Variants in SMPD3 observed in about 807,000 individuals in gnomAD.
SMPD3 encodes the protein sphingomyelin phosphodiesterase 3, also known as nSMase-2.
In SMPD3, 21 loss-of-function variants were observed where a neutral mutation model predicts 55.7. The observed-to-expected ratio is 0.38, with a 90% confidence interval of 0.27 to 0.54. SMPD3 has a LOEUF of 0.54. SMPD3 is among the 20% of genes least tolerant of loss of function. SMPD3 has a pLI of 0.80. For synonymous variants in SMPD3, 457 were observed against 404.3 expected (o/e 1.13, Z -1.56); for missense variants, 842 against 899.6 (o/e 0.94, Z 0.82).
rs777260485 is a variant in SMPD3, at chr16:68,372,255, G to T, written c.-74C>A. The T allele has an allele frequency of 6.4e-6, 10 of 1,561,284 alleles. No homozygotes were observed. The African/African-American group carries it at 9.4e-5, about 15-fold the overall frequency. On this transcript the variant is annotated 5_prime_UTR_variant, in exon 3 of 9. Transcript: ENST00000219334. ...CAGCTGCGGGCACTTTCCTGGGCGA[G>T]GGTGGGCGAGTTGGGGGCAGCTGGA...
intron 1 of SMPD3, among the ~76,000 whole-genome samples, chr16:68,432,890 A>G (rs2090491311): frequency 6.6e-6 from 1 of 151,814 alleles, no homozygotes. Flanking sequence ...CTACATCTCA[A>G]CCTCCCAGGC....
chr16:68,365,251 C>T (rs1268124609), intron 3 of SMPD3, among the ~76,000 whole-genome samples, 159 bp from the exon 4 acceptor site: 1 of 152,186 alleles, frequency 6.6e-6, no homozygotes, highest in Non-Finnish European at 1.5e-5. Context: ...TGTCCTGCTT[C>T]TAGGGACTTA....
At chr16:68,377,855 A>G (rs2089857546) in intron 2 of SMPD3, among the ~76,000 whole-genome samples, 1 of 152,208 alleles carries the variant, frequency 6.6e-6, no homozygotes, top group Non-Finnish European at 1.5e-5. Context: ...TGGTGGTGGG[A>G]AAGTGAACAA....
At chr16:68,386,252 A>G (rs2090051276) in intron 2 of SMPD3, among the ~76,000 whole-genome samples, 3 of 151,372 alleles carry the variant, frequency 2.0e-5, no homozygotes. Context: ...TTTAGTGGGC[A>G]GTGGTATCTG....
In SMPD3 at chr16:68,361,596, G is replaced by GACT. The variant is rs746464600; in HGVS notation, c.1866+4_1866+6dup. 1.9e-5 allele frequency: 30 copies of GACT among 1,606,090 alleles called. No individual in the cohort carries two copies. The highest frequency in any genetic ancestry group is 2.4e-5 in the Non-Finnish European group (28 of 1,179,898). On this transcript the variant is annotated splice_region_variant and intron_variant, in intron 8 of 8. Transcript: ENST00000219334. Reference sequence around the variant, plus strand: ...ATGGCCCTGGCTGCTGGGCCCTCCTGACTCACGGCCTTCCAGTCTGGGCAC... The same window carrying GACT: ...ATGGCCCTGGCTGCTGGGCCCTCCTGACTACTCACGGCCTTCCAGTCTGGGCAC...
At chr16:68,383,419 C>T (rs2089991944) in intron 2 of SMPD3, among the ~76,000 whole-genome samples, 1 of 152,232 alleles carries the variant, frequency 6.6e-6, no homozygotes, top group Admixed American at 6.5e-5. Flanking sequence ...GAACAGAGGT[C>T]AGCACCTCTG....
At chr16:68,373,054 C>G (rs947951338) in intron 2 of SMPD3, among the ~76,000 whole-genome samples, 2 of 152,222 alleles carry the variant, frequency 1.3e-5, no homozygotes, top group African/African-American at 4.8e-5. Flanking sequence ...GAGAAACCCC[C>G]CAGCAATGAG....
At chr16:68,383,310 A>G (rs1199559193) in intron 2 of SMPD3, among the ~76,000 whole-genome samples, 1 of 152,120 alleles carries the variant, frequency 6.6e-6, no homozygotes, top group Non-Finnish European at 1.5e-5. Flanking sequence ...ATGGCAACCC[A>G]CCTGAGGCTG....
intron 1 of SMPD3, among the ~76,000 whole-genome samples, chr16:68,420,483 G>A (rs1194772741): frequency 1.3e-5 from 2 of 152,152 alleles, no homozygotes; most frequent in East Asian, 3.9e-4. Context: ...GCTTAAAAGG[G>A]ATGCTTCACC....
rs1481556144 is a variant in SMPD3 at position 68,359,214 on chromosome 16, G to GGGCC, written c.*1988_*1991dup. ...AGGCGGCTCGGGGTCTAGGGGTCCAGGGCCGGCCGGCCCAGTCGCTTGTGT... is the reference window on the plus strand; with the variant it reads ...AGGCGGCTCGGGGTCTAGGGGTCCAGGGCCGGCCGGCCGGCCCAGTCGCTTGTGT... On this transcript the variant is annotated 3_prime_UTR_variant, in exon 9 of 9. Transcript: ENST00000219334. 6.6e-6 allele frequency: 1 copy of GGGCC among 152,420 alleles called. No individual in the cohort carries two copies. Among genetic ancestry groups the GGGCC allele is most frequent in the African/African-American group, 2.4e-5 (1 of 41,464 alleles). The allele number at this position is 152,420 out of a possible 1,614,324, so 9.4% of individuals were successfully genotyped here.
Position 68,360,065 on chromosome 16 carries a change from T to G in SMPD3, c.*1141A>C, listed in dbSNP as rs1260475295. ...TGCCTCCTAGGCCGGGGTCCCCTTG[T>G]GGCCTTGGTGTTGGCTGGGGTAGCT... On this transcript the variant is annotated 3_prime_UTR_variant, in exon 9 of 9. Coordinates refer to ENST00000219334, the MANE Select transcript of SMPD3 (RefSeq NM_018667.4). 2 of 153,226 alleles carry G rather than the reference T, an allele frequency of 1.3e-5. No individual in the cohort carries two copies. The highest frequency in any genetic ancestry group is 6.5e-5 in the Admixed American group (1 of 15,292). The allele number at this position is 153,226 out of a possible 1,614,324, so 9.5% of individuals were successfully genotyped here.
chr16:68,372,846 C>T (rs1207959727), intron 2 of SMPD3, among the ~76,000 whole-genome samples: 1 of 152,304 alleles, frequency 6.6e-6, no homozygotes, highest in African/African-American at 2.4e-5. Flanking sequence ...GGCCACTTGT[C>T]ATGGAGTGCC....
intron 7 of SMPD3, among the ~76,000 whole-genome samples, chr16:68,362,229 ACT>A (rs553044629): frequency 2.2e-4 from 34 of 151,992 alleles, no homozygotes; most frequent in Admixed American, 7.2e-4. Context: ...TGGCTGTGTG[ACT>A]CTGCTTATGT....
At chr16:68,446,014 G>C (rs773692358) in intron 1 of SMPD3, among the ~76,000 whole-genome samples, 1 of 152,162 alleles carries the variant, frequency 6.6e-6, no homozygotes, top group Non-Finnish European at 1.5e-5. Flanking sequence ...GACCAGCAAC[G>C]TCAGCGCCAT....
In SMPD3 at chr16:68,445,583, G is replaced by A. The variant is rs114526522; in HGVS notation, c.-269+2770C>T. ...CTGACAATGCTCACACTCACTCTGA[G>A]CCTCTACACCATGGGGGAGTGTTAG... On this transcript the variant is annotated intron_variant, in intron 1 of 8. Coordinates refer to ENST00000219334, the MANE Select transcript of SMPD3 (RefSeq NM_018667.4). Among the ~76,000 whole-genome samples the A allele has an allele frequency of 1.0e-3, 154 of 152,128 alleles. 1 individual carries two copies. The highest frequency in any genetic ancestry group is 3.5e-3 in the African/African-American group (147 of 41,494).
intron 1 of SMPD3, among the ~76,000 whole-genome samples, chr16:68,397,190 G>A (rs1463100189): frequency 6.6e-6 from 1 of 152,158 alleles, no homozygotes; most frequent in Non-Finnish European, 1.5e-5. Flanking sequence ...ATACACAGGA[G>A]GCACCCATAG....
At chr16:68,377,794 C>A (rs2151992568) in intron 2 of SMPD3, among the ~76,000 whole-genome samples, 1 of 152,346 alleles carries the variant, frequency 6.6e-6, no homozygotes, top group East Asian at 1.9e-4. Context: ...TCTGCTTGCA[C>A]AGTGGTGCAA....
intron 1 of SMPD3, among the ~76,000 whole-genome samples, chr16:68,441,688 C>T (rs2090566834): frequency 6.6e-6 from 1 of 152,054 alleles, no homozygotes; most frequent in African/African-American, 2.4e-5. Flanking sequence ...CCATATTAGA[C>T]AACAGATATA....
At chr16:68,413,199 A>C (rs549528155) in intron 1 of SMPD3, among the ~76,000 whole-genome samples, 5 of 152,202 alleles carry the variant, frequency 3.3e-5, no homozygotes, top group Non-Finnish European at 7.3e-5. Context: ...GATGGCTGTC[A>C]CTGTCCCATC....
Sources: allele counts gnomAD v4.1 joint callset (sites outside exome capture counted in the v4.1 genomes callset), GRCh38; gene constraint gnomAD v4.1.1; transcripts MANE v1.5; gene names NCBI Gene and HGNC (gene_info 2026-07-23, HGNC 2026-07-21).